DPP10: variants seen among roughly 807,000 people sequenced by gnomAD.
DPP10 encodes the protein dipeptidyl peptidase like 10.
A neutral mutation model predicts 120.9 loss-of-function variants in DPP10; 33 were observed. The observed-to-expected ratio is 0.27, with a 90% CI of 0.21 to 0.37. The LOEUF is 0.37. Ranked by LOEUF, DPP10 falls within the 10% of genes least tolerant of loss-of-function variation. The pLI is 1.00. For synonymous variants in DPP10, 337 were observed against 326.1 expected (o/e 1.03, Z -0.36); for missense variants, 816 against 942.8 (o/e 0.87, Z 1.76).
chr2:114,874,290 G>T (rs746702881), intron 1 of DPP10, among the ~76,000 whole-genome samples: 1 of 152,116 alleles, frequency 6.6e-6, no homozygotes, highest in African/African-American at 2.4e-5. Context: ...AGGATCAACT[G>T]CTCGAGATCA....
chr2:115,058,404 TTTTTATTTTA>T (rs909852604), intron 1 of DPP10, among the ~76,000 whole-genome samples: 1 of 152,062 alleles, frequency 6.6e-6, no homozygotes, highest in Non-Finnish European at 1.5e-5. Flanking sequence ...CTCTTTGTCT[TTTTTATTTTA>T]TTTTATTTTA....
intron 15 of DPP10, 142 bp downstream of exon 15, chr2:115,777,976 C>A: frequency 2.8e-6 from 2 of 703,358 alleles, no homozygotes; most frequent in Non-Finnish European, 4.7e-6. Context: ...GCTTCACACT[C>A]TTGCACCAGT....
chr2:115,270,066 TCACACA>T (rs57649162), intron 1 of DPP10, among the ~76,000 whole-genome samples: 16,953 of 130,584 alleles, frequency 0.13, 1,093 homozygotes, highest in Non-Finnish European at 0.14. Context: ...TAGGTATACT[TCACACA>T]CACACACACA....
At chr2:114,462,866 C>T (rs1463160790) in intron 1 of DPP10, among the ~76,000 whole-genome samples, 4 of 152,196 alleles carry the variant, frequency 2.6e-5, no homozygotes, top group Admixed American at 2.6e-4. Context: ...CTCCCACCCC[C>T]TGTTGACTTT....
At chr2:115,641,236 C>CCT (rs1487234454) in intron 5 of DPP10, among the ~76,000 whole-genome samples, 1 of 152,120 alleles carries the variant, frequency 6.6e-6, no homozygotes, top group Non-Finnish European at 1.5e-5. Context: ...AAGAGTCCAT[C>CCT]GTCTACTCAA....
At chr2:114,911,723 G>C (rs1335173995) in intron 1 of DPP10, among the ~76,000 whole-genome samples, 7 of 152,176 alleles carry the variant, frequency 4.6e-5, no homozygotes, top group African/African-American at 1.7e-4. Flanking sequence ...AAGGAACTGA[G>C]AGAAAGATAA....
intron 1 of DPP10, among the ~76,000 whole-genome samples, chr2:115,008,872 C>A (rs1222932300): frequency 1.1e-5 from 1 of 90,310 alleles, no homozygotes. Context: ...ATCAAAACCA[C>A]AATGAGATAC....
chr2:115,621,220 C>T (rs61139298), intron 5 of DPP10, among the ~76,000 whole-genome samples: 2,820 of 152,234 alleles, frequency 0.019, 98 homozygotes, highest in African/African-American at 0.064. Context: ...ATACTATTGC[C>T]AATGCTTTTT....
intron 10 of DPP10, 134 bp from the exon 11 acceptor site, chr2:115,753,040 T>C: frequency 1.5e-6 from 1 of 650,506 alleles, no homozygotes; most frequent in Non-Finnish European, 2.4e-6. Context: ...TATCTATCTA[T>C]ACATAAATTA....
intron 5 of DPP10, among the ~76,000 whole-genome samples, chr2:115,614,168 T>G (rs1007093516): frequency 1.3e-5 from 2 of 152,196 alleles, no homozygotes; most frequent in African/African-American, 4.8e-5. Context: ...TAAAACATGC[T>G]TTATGCAATT....
intron 5 of DPP10, among the ~76,000 whole-genome samples, chr2:115,534,722 C>T (rs1347165564): frequency 1.3e-5 from 2 of 149,772 alleles, no homozygotes; most frequent in Non-Finnish European, 3.0e-5. Flanking sequence ...TTTACAGTCC[C>T]ACCAACAGTG....
intron 1 of DPP10, among the ~76,000 whole-genome samples, chr2:114,659,912 C>G (rs1697265437): frequency 6.6e-6 from 1 of 152,142 alleles, no homozygotes; most frequent in African/African-American, 2.4e-5. Flanking sequence ...CAAGTGTTGC[C>G]AGCAACCACC....
At chr2:115,836,339 C>G in intron 22 of DPP10, 83 bp downstream of exon 22, 1 of 1,401,840 alleles carries the variant, frequency 7.1e-7, no homozygotes. Flanking sequence ...CTCAATTGAG[C>G]TCATTTATCA....
chr2:115,573,200 G>A (rs115028590), intron 5 of DPP10, among the ~76,000 whole-genome samples: 59 of 152,008 alleles, frequency 3.9e-4, no homozygotes, highest in Non-Finnish European at 7.9e-4. Context: ...ATGTAAAGGG[G>A]AGAACTATAA....
At chr2:114,932,204 C>T (rs1696125919) in intron 1 of DPP10, among the ~76,000 whole-genome samples, 1 of 152,214 alleles carries the variant, frequency 6.6e-6, no homozygotes, top group African/African-American at 2.4e-5. Context: ...ATCAAGCCCT[C>T]CAGGTGACTC....
intron 5 of DPP10, among the ~76,000 whole-genome samples, chr2:115,614,640 G>C (rs764346673): frequency 6.6e-6 from 1 of 152,140 alleles, no homozygotes; most frequent in African/African-American, 2.4e-5. Flanking sequence ...GGCCAGGCTG[G>C]TCTGAAACTC....
chr2:115,049,867 T>C (rs1705342213), intron 1 of DPP10, among the ~76,000 whole-genome samples: 1 of 152,216 alleles, frequency 6.6e-6, no homozygotes, highest in Non-Finnish European at 1.5e-5. Context: ...AAATCTTTTT[T>C]GGAATAGGCT....
chr2:114,939,128 AAAG>A (rs2104552474), intron 1 of DPP10, among the ~76,000 whole-genome samples: 1 of 152,264 alleles, frequency 6.6e-6, no homozygotes, highest in East Asian at 1.9e-4. Context: ...AAGCTAGAGA[AAAG>A]AAAACATTAT....
chr2:115,652,409 A>ATG (rs71394158), intron 5 of DPP10, among the ~76,000 whole-genome samples: 6,852 of 145,482 alleles, frequency 0.047, 170 homozygotes, highest in Admixed American at 0.085. Context: ...TAGGATATAT[A>ATG]TGTGTGTGTG....
Sources: allele counts gnomAD v4.1 joint callset (sites outside exome capture counted in the v4.1 genomes callset), GRCh38; gene constraint gnomAD v4.1.1; transcripts MANE v1.5; gene names NCBI Gene and HGNC (gene_info 2026-07-23, HGNC 2026-07-21).